METTL25: variants seen among roughly 807,000 people sequenced by gnomAD.
METTL25 encodes methyltransferase like 25.
METTL25 carries 64 observed loss-of-function variants against 71.6 expected under a neutral mutation model. The ratio of observed to expected loss-of-function variants is 0.89; its 90% CI spans 0.73 to 1.10. The LOEUF (loss-of-function observed/expected upper bound fraction) is 1.10. Among genes scored for constraint, METTL25 ranks in the 50% least tolerant of loss-of-function variants. The probability of loss-of-function intolerance (pLI) is 0.00; values close to 1 mark genes in which losing one functional copy is unlikely to be tolerated. For synonymous variants in METTL25, 287 were observed against 250.3 expected (o/e 1.15, Z -1.38); for missense variants, 807 against 707.0 (o/e 1.14, Z -1.60).
chr12:82,379,407 A>G (rs1323758428), intron 1 of METTL25, among the ~76,000 whole-genome samples: 1 of 152,228 alleles, frequency 6.6e-6, no homozygotes, highest in African/African-American at 2.4e-5. Flanking sequence ...TATTTGATTT[A>G]TCAAATTTGA....
chr12:82,371,755 G>A (rs1883258327), intron 1 of METTL25, among the ~76,000 whole-genome samples: 2 of 152,158 alleles, frequency 1.3e-5, no homozygotes, highest in Non-Finnish European at 1.5e-5. Flanking sequence ...AGTGAGCCGG[G>A]TGACAGGGGA....
chr12:82,454,933 C>T (rs907837735), intron 8 of METTL25, among the ~76,000 whole-genome samples: 15 of 151,804 alleles, frequency 9.9e-5, no homozygotes, highest in African/African-American at 3.1e-4. Context: ...ATATGTGTTA[C>T]GAAATTTAAT....
At chr12:82,369,422 C>T (rs1418663896) in intron 1 of METTL25, 3 of 444,166 alleles carry the variant, frequency 6.8e-6, no homozygotes, top group Admixed American at 2.4e-5. Flanking sequence ...AGAATGAAGC[C>T]ACGGACCTTT....
chr12:82,424,162 T>C (rs1888776296), intron 5 of METTL25, among the ~76,000 whole-genome samples: 1 of 152,034 alleles, frequency 6.6e-6, no homozygotes, highest in South Asian at 2.1e-4. Context: ...ATAGACTGGA[T>C]TAAGAAAATG....
intron 8 of METTL25, among the ~76,000 whole-genome samples, chr12:82,442,453 T>C (rs549793764): frequency 4.3e-4 from 65 of 152,280 alleles, no homozygotes; most frequent in African/African-American, 1.6e-3. Context: ...CAGAGAATTA[T>C]ACTGAATGAA....
chr12:82,394,866 A>G (rs1231341787), intron 3 of METTL25, among the ~76,000 whole-genome samples: 1 of 151,930 alleles, frequency 6.6e-6, no homozygotes, highest in East Asian at 1.9e-4. Context: ...GCTATCCATT[A>G]GATGATCTAG....
At chr12:82,364,584 TG>T (rs1322658324) in intron 1 of METTL25, among the ~76,000 whole-genome samples, 1 of 152,210 alleles carries the variant, frequency 6.6e-6, no homozygotes, top group Non-Finnish European at 1.5e-5. Context: ...CTGTTACATC[TG>T]GGGTTTTTTC....
At chr12:82,455,693 T>G (rs1262831165) in intron 8 of METTL25, among the ~76,000 whole-genome samples, 3 of 151,892 alleles carry the variant, frequency 2.0e-5, no homozygotes, top group Non-Finnish European at 4.4e-5. Flanking sequence ...TAGACTGATC[T>G]AAGGAGAAAA....
intron 11 of METTL25, among the ~76,000 whole-genome samples, chr12:82,477,875 T>C (rs1179507385): frequency 6.6e-6 from 1 of 151,814 alleles, no homozygotes; most frequent in Non-Finnish European, 1.5e-5. Flanking sequence ...GCAGATTCTA[T>C]TATGAGCTAT....
At chr12:82,369,603 T>C (rs941345110) in intron 1 of METTL25, 35 of 275,716 alleles carry the variant, frequency 1.3e-4, no homozygotes, top group Non-Finnish European at 2.4e-4. Flanking sequence ...ACCCAAAGAG[T>C]GAGCAGCAGC....
intron 4 of METTL25, among the ~76,000 whole-genome samples, chr12:82,402,068 A>G (rs1347794517): frequency 6.6e-6 from 1 of 152,056 alleles, no homozygotes; most frequent in African/African-American, 2.4e-5. Flanking sequence ...GATTCTGTGC[A>G]TGTATACATT....
intron 1 of METTL25, among the ~76,000 whole-genome samples, chr12:82,376,280 C>T (rs7977835): frequency 0.064 from 9,704 of 152,154 alleles, 910 homozygotes; most frequent in African/African-American, 0.2. Flanking sequence ...CCCTCTTTTT[C>T]AACATTCTTT....
At chr12:82,412,937 C>T (rs567526650) in intron 5 of METTL25, among the ~76,000 whole-genome samples, 50 of 151,616 alleles carry the variant, frequency 3.3e-4, no homozygotes, top group Admixed American at 1.8e-3. Flanking sequence ...TAATTTTTTT[C>T]TAATAATTTT....
intron 5 of METTL25, among the ~76,000 whole-genome samples, chr12:82,404,460 TTAATG>T (rs1447218815): frequency 6.6e-6 from 1 of 152,186 alleles, no homozygotes; most frequent in Non-Finnish European, 1.5e-5. Flanking sequence ...AAAAAATACT[TTAATG>T]CAATCACAGT....
chr12:82,470,195 T>G (rs1292382291), intron 9 of METTL25, among the ~76,000 whole-genome samples: 1 of 152,218 alleles, frequency 6.6e-6, no homozygotes, highest in Non-Finnish European at 1.5e-5. Context: ...GATTATTTCT[T>G]ATTTCTATAT....
At chr12:82,438,821 C>A (rs557077694) in intron 8 of METTL25, 30 bp downstream of exon 8, 54 of 1,492,272 alleles carry the variant, frequency 3.6e-5, no homozygotes, top group Non-Finnish European at 4.6e-5. Context: ...ATAAGAATAA[C>A]TATGTTATAT....
intron 8 of METTL25, among the ~76,000 whole-genome samples, chr12:82,451,964 C>A (rs918046093): frequency 6.6e-6 from 1 of 151,986 alleles, no homozygotes; most frequent in African/African-American, 2.4e-5. Flanking sequence ...TTATTATTTT[C>A]TATCATGTCT....
At chr12:82,409,295 A>G (rs953272007) in intron 5 of METTL25, among the ~76,000 whole-genome samples, 3 of 152,260 alleles carry the variant, frequency 2.0e-5, no homozygotes, top group Admixed American at 1.3e-4. Flanking sequence ...AAGAAATACG[A>G]GAAACATTTT....
At position 82,456,816 on chromosome 12, in the gene METTL25, C is replaced by A. The variant is rs775021193; in HGVS notation, c.1568C>A (p.Ser523Tyr). The change falls in exon 9 of 12, where the codon TCC (serine) becomes TAC (tyrosine). Residue 523 changes from serine to tyrosine, a missense_variant. Coordinates refer to ENST00000248306, the MANE Select transcript of METTL25 (RefSeq NM_032230.3). ...RSLKKLGLDE[S>Y]KLPEKIIMNY... ...CTAAAGAAGCTTGGATTAGATGAGT[C>A]CAAGGTCAGTATATGATGACTCATT... The A allele has an allele frequency of 4.6e-6, 7 of 1,533,324 alleles. No individual in the cohort carries two copies. Among genetic ancestry groups the A allele is most frequent in the South Asian group, 1.2e-5 (1 of 83,518 alleles). 95.0% of individuals were successfully genotyped at this position (1,533,324 alleles called of 1,614,324 possible).
Sources: allele counts gnomAD v4.1 joint callset (sites outside exome capture counted in the v4.1 genomes callset), GRCh38; gene constraint gnomAD v4.1.1; transcripts MANE v1.5; gene names NCBI Gene and HGNC (gene_info 2026-07-23, HGNC 2026-07-21).